Variants in C3 observed in about 807,000 individuals in gnomAD.
The protein encoded by C3 is C3 and PZP-like alpha-2-macroglobulin domain-containing protein 1.
C3 carries 97 observed loss-of-function variants against 207.9 expected under a neutral mutation model. The observed-to-expected ratio is 0.47, with a 90% CI of 0.40 to 0.55. The LOEUF is 0.55. Among genes scored for constraint, C3 ranks in the 20% least tolerant of loss-of-function variants. The pLI, the probability that C3 is intolerant of heterozygous loss-of-function variation, is 0.00. For missense variants in C3, 1,684 were observed against 2,171.7 expected, an observed-to-expected ratio of 0.78 and a Z score of 4.46; for synonymous variants, 848 against 857.6, an observed-to-expected ratio of 0.99 and a Z score of 0.20.
At chr19:6,707,410 G>C in intron 16 of C3, 56 bp downstream of exon 16, 1 of 1,606,290 alleles carries the variant, frequency 6.2e-7, no homozygotes, top group Non-Finnish European at 8.5e-7. Context: ...GCACGGCCGG[G>C]CTGGGGTCTC....
chr19:6,691,989 AAC>A (rs57940862), intron 26 of C3, among the ~76,000 whole-genome samples: 25,990 of 136,426 alleles, frequency 0.19, 2,083 homozygotes, highest in East Asian at 0.27. Flanking sequence ...CTCCATCTCA[AAC>A]ACACACACAC....
At position 6,694,331 on chromosome 19, in the gene C3, C is replaced by T. The variant is rs921567724; in HGVS notation, c.3154+100G>A. ...GGAGTGGCTAGGAGAGAAGGTGGAG[C>T]CTCAGGGGAGGGCGTGGTCTTGAGA... On this transcript the variant is annotated intron_variant, in intron 24 of 40. Coordinates refer to ENST00000245907, the MANE Select transcript of C3 (RefSeq NM_000064.4). 4 of 1,032,090 alleles carry T rather than the reference C, an allele frequency of 3.9e-6. No homozygotes were observed. In the African/African-American group the frequency reaches 4.7e-5, roughly 12 times the overall value. The allele number at this position is 1,032,090 out of a possible 1,614,324, so 63.9% of individuals were successfully genotyped here.
At chr19:6,684,868 G>A (rs2145396312) in intron 30 of C3, 34 bp from the exon 31 acceptor site, 1 of 1,612,674 alleles carries the variant, frequency 6.2e-7, no homozygotes, top group African/African-American at 1.3e-5. Flanking sequence ...GAGCATGTTG[G>A]GAATTAAGCC....
chr19:6,696,209 C>CA (rs963475515), intron 23 of C3, among the ~76,000 whole-genome samples, 170 bp downstream of exon 23: 1,676 of 63,414 alleles, frequency 0.026, 34 homozygotes, highest in African/African-American at 0.048. Flanking sequence ...GACTCTGTCT[C>CA]AAAAAAAAAA....
chr19:6,704,005 G>C (rs1967724419), intron 17 of C3, among the ~76,000 whole-genome samples: 1 of 152,004 alleles, frequency 6.6e-6, no homozygotes, highest in African/African-American at 2.4e-5. Context: ...ATCTCGATAG[G>C]CTGGATGTGG....
intron 17 of C3, among the ~76,000 whole-genome samples, chr19:6,703,750 G>A (rs1223560286): frequency 6.6e-6 from 1 of 152,020 alleles, no homozygotes; most frequent in Non-Finnish European, 1.5e-5. Context: ...CAGACCTGGT[G>A]CAGAACACTG....
At chr19:6,699,874 A>T (rs1159130234) in intron 19 of C3, among the ~76,000 whole-genome samples, 1 of 151,328 alleles carries the variant, frequency 6.6e-6, no homozygotes, top group African/African-American at 2.4e-5. Flanking sequence ...TTTTGGGTAT[A>T]TTTAAATTAA....
At chr19:6,699,615 T>C (rs1333218485) in intron 19 of C3, among the ~76,000 whole-genome samples, 1 of 149,288 alleles carries the variant, frequency 6.7e-6, no homozygotes, top group Non-Finnish European at 1.5e-5. Context: ...ACCACTGCAC[T>C]CCATCCTAGG....
At position 6,707,312 on chromosome 19, in the gene C3, C is replaced by A. The variant is rs376656424; in HGVS notation, c.2048-39G>T. On this transcript the variant is annotated intron_variant, in intron 16 of 40. Coordinates refer to ENST00000245907, the MANE Select transcript of C3 (RefSeq NM_000064.4). Reference sequence around the variant, plus strand: ...TGTTCCCCCAGGCCACACCCTCAGCCGGGGGCCGGCAGCAGGAGGGACGCG... The same window carrying A: ...TGTTCCCCCAGGCCACACCCTCAGCAGGGGGCCGGCAGCAGGAGGGACGCG... 3.4e-5 allele frequency: 55 copies of A among 1,602,038 alleles called. No individual in the cohort carries two copies. The South Asian group carries it at 4.9e-4, about 14-fold the overall frequency.
chr19:6,689,334 T>TA (rs1918100112), intron 27 of C3, among the ~76,000 whole-genome samples: 4 of 37,748 alleles, frequency 1.1e-4, no homozygotes, highest in African/African-American at 5.8e-4. Context: ...CCTACCTCCC[T>TA]CCCTCCCTCC....
intron 37 of C3, 32 bp from the exon 38 acceptor site, chr19:6,679,240 C>T (rs1334633283): frequency 6.3e-7 from 1 of 1,587,398 alleles, no homozygotes; most frequent in Non-Finnish European, 8.7e-7. Flanking sequence ...GGGTCTAAGT[C>T]CCACTCCTTA....
chr19:6,693,926 G>T (rs1004807762), intron 24 of C3, among the ~76,000 whole-genome samples: 5 of 150,848 alleles, frequency 3.3e-5, no homozygotes, highest in Admixed American at 2.6e-4. Context: ...ATTCTGGCCT[G>T]GGAGGAGTCA....
chr19:6,679,096 T>G, intron 38 of C3, 29 bp downstream of exon 38: 2 of 1,557,376 alleles, frequency 1.3e-6, no homozygotes, highest in South Asian at 2.2e-5. Flanking sequence ...CAGCTAAACA[T>G]GCGTGACCCC....
rs904617601 is a variant in C3, at chr19:6,682,299, A to T, written c.4173-70T>A. ...AGCCCCAAGGGTCTGTTCCTGGACA[A>T]GGAGGTCTGATCAGGCACTGAGACT... On this transcript the variant is annotated intron_variant, in intron 33 of 40. Coordinates refer to ENST00000245907, the MANE Select transcript of C3 (RefSeq NM_000064.4). The T allele has an allele frequency of 3.2e-5, 38 of 1,187,124 alleles. No individual in the cohort carries two copies. In the African/African-American group the frequency reaches 5.5e-4, roughly 17 times the overall value. The allele number at this position is 1,187,124 out of a possible 1,614,324, so 73.5% of individuals were successfully genotyped here. A position where few individuals can be genotyped will look rare whatever the true frequency, so the allele number is the denominator to read the frequency against.
intron 4 of C3, chr19:6,717,882 C>T (rs1344076900): frequency 1.6e-6 from 1 of 643,446 alleles, no homozygotes; most frequent in African/African-American, 1.8e-5. Flanking sequence ...GTCTGCATAT[C>T]TCTTTGCCTC....
At chr19:6,696,698 T>C in intron 21 of C3, 39 bp from the exon 22 acceptor site, 5 of 1,571,778 alleles carry the variant, frequency 3.2e-6, no homozygotes, top group Non-Finnish European at 4.4e-6. Context: ...GTTGGATGAA[T>C]AAAAGAACAG....
At position 6,710,812 on chromosome 19, in the gene C3, G is replaced by C; in HGVS notation, c.1513C>G (p.Arg505Gly). ...MNKGRLLKAGRQVREPGQDLV... is the reference protein window; with the variant it reads ...MNKGRLLKAGGQVREPGQDLV... Reference sequence around the variant, plus strand: ...TCCTGGCCGGGCTCTCGCACCTGGCGTCCCGCCTTCAACAGCCTGCCCTTG... The same window carrying C: ...TCCTGGCCGGGCTCTCGCACCTGGCCTCCCGCCTTCAACAGCCTGCCCTTG... Residue 505 changes from arginine to glycine, a missense_variant, in exon 13 of 41, where the codon CGC (arginine) becomes GGC (glycine). Around this residue, in one of 3 missense-constraint regions of C3, gnomAD observed 1,280 missense variants for 1,739.1 expected, o/e 0.74. Coordinates refer to ENST00000245907, the MANE Select transcript of C3 (RefSeq NM_000064.4). 2 of 1,613,938 alleles carry C rather than the reference G, an allele frequency of 1.2e-6. No individual in the cohort carries two copies. The highest frequency in any genetic ancestry group is 1.3e-5 in the African/African-American group (1 of 75,048).
intron 13 of C3, among the ~76,000 whole-genome samples, chr19:6,710,239 AGAGAGAGAAAGG>A (rs1967883190): frequency 9.4e-6 from 1 of 106,698 alleles, no homozygotes; most frequent in Non-Finnish European, 1.9e-5. Flanking sequence ...AGAGAGAGGG[AGAGAGAGAAAGG>A]GAGAGAGAGA....
At chr19:6,706,334 C>T (rs1416320596) in intron 17 of C3, among the ~76,000 whole-genome samples, 1 of 152,216 alleles carries the variant, frequency 6.6e-6, no homozygotes, top group Non-Finnish European at 1.5e-5. Flanking sequence ...TGCCTTCAGG[C>T]AAGGGCCCTT....
Sources: gnomAD v4.1 joint callset for allele counts (sites outside exome capture counted in the v4.1 genomes callset) on GRCh38, gnomAD v4.1.1 for gene constraint, gnomAD v4.1.1 regional missense constraint, MANE v1.5 for transcripts, NCBI Gene and HGNC (gene_info 2026-07-23, HGNC 2026-07-21) for gene names.